RALY: variants seen among roughly 807,000 people sequenced by gnomAD.
RALY encodes the protein RNA-binding protein Raly.
In RALY, 15 loss-of-function variants were observed where a neutral mutation model predicts 30.7. That is an observed-to-expected ratio of 0.49 (90% confidence interval 0.33 to 0.75). The LOEUF (loss-of-function observed/expected upper bound fraction) is 0.75, where lower values mean the gene tolerates loss of function less well. Ranked by LOEUF, RALY falls within the 30% of genes least tolerant of loss-of-function variation. The pLI, the probability that RALY is intolerant of heterozygous loss-of-function variation, is 0.02. For missense variants in RALY, 339 were observed against 414.3 expected, an observed-to-expected ratio of 0.82 and a Z score of 1.58; for synonymous variants, 177 against 170.8, an observed-to-expected ratio of 1.04 and a Z score of -0.28.
intron 1 of RALY, among the ~76,000 whole-genome samples, chr20:33,996,663 C>A (rs1257902799): frequency 6.6e-6 from 1 of 151,886 alleles, no homozygotes; most frequent in African/African-American, 2.4e-5. Flanking sequence ...ATAAAATTTA[C>A]CATTTAACCG....
At chr20:34,007,151 C>A (rs966486152) in intron 1 of RALY, among the ~76,000 whole-genome samples, 1 of 152,142 alleles carries the variant, frequency 6.6e-6, no homozygotes, top group Non-Finnish European at 1.5e-5. Flanking sequence ...AAGGCCCCGC[C>A]TGGATTTGAA....
At chr20:34,029,308 G>A (rs994577714) in intron 1 of RALY, among the ~76,000 whole-genome samples, 1 of 152,024 alleles carries the variant, frequency 6.6e-6, no homozygotes, top group Admixed American at 6.6e-5. Context: ...ATGGTGGCCG[G>A]CACCTGTAAT....
chr20:34,048,853 C>CAAAAAAAAA (rs58117454), intron 2 of RALY, among the ~76,000 whole-genome samples: 8 of 105,602 alleles, frequency 7.6e-5, no homozygotes, highest in East Asian at 3.1e-4. Flanking sequence ...GACTCCGTCT[C>CAAAAAAAAA]AAAAAAAAAA....
chr20:34,077,307 C>G, intron 8 of RALY, 62 bp downstream of exon 8: 1 of 1,600,506 alleles, frequency 6.2e-7, no homozygotes. Context: ...AGGAGGCCAA[C>G]AGGGGAATGG....
chr20:34,072,872 T>A (rs1259833743), intron 3 of RALY, among the ~76,000 whole-genome samples: 1 of 152,200 alleles, frequency 6.6e-6, no homozygotes, highest in African/African-American at 2.4e-5. Context: ...ACAAGAAGTA[T>A]ATGGATTGAC....
Position 34,084,234 on chromosome 20 carries a change from T to A in RALY, c.*4329T>A, listed in dbSNP as rs868335399. 8.6e-5 allele frequency: 13 copies of A among 151,960 alleles called. No homozygotes were observed. The highest frequency in any genetic ancestry group is 3.1e-4 in the African/African-American group (13 of 41,346). 9.4% of individuals were successfully genotyped at this position (151,960 alleles called of 1,614,324 possible). A position where few individuals can be genotyped will look rare whatever the true frequency, so the allele number is the denominator to read the frequency against. The stretch of plus-strand genomic sequence containing the variant: ...CTACTTGGGGGACTACAGTGGGAGA[T>A]CATTTGCACCTAGGAGGTTAATGCT... On this transcript the variant is annotated 3_prime_UTR_variant, in exon 10 of 10. Coordinates refer to ENST00000246194, the MANE Select transcript of RALY (RefSeq NM_016732.3).
intron 2 of RALY, among the ~76,000 whole-genome samples, chr20:34,053,584 A>G (rs2033150832): frequency 6.6e-6 from 1 of 151,738 alleles, no homozygotes; most frequent in Admixed American, 6.6e-5. Context: ...GTTTTTAGAG[A>G]CAGGCTCCCA....
chr20:34,078,827 T>C (rs1049879286), intron 9 of RALY, among the ~76,000 whole-genome samples: 10 of 152,176 alleles, frequency 6.6e-5, no homozygotes, highest in Admixed American at 3.9e-4. Context: ...ATGTTGCCTG[T>C]CTCTGCCCTT....
chr20:34,076,009 A>C lies in RALY; in HGVS notation c.513A>C (p.Thr171=). 1 of 1,614,196 alleles carries C rather than the reference A, an allele frequency of 6.2e-7. No homozygotes were observed. The highest frequency in any genetic ancestry group is 8.5e-7 in the Non-Finnish European group (1 of 1,180,020). Residue 171 remains threonine (T), a synonymous_variant, in exon 6 of 10, where the codon ACA becomes ACC. Transcript: ENST00000246194. ...NVPVKLFARS[T]AVTTSSAKIK... ...CTGTCAAGCTCTTTGCCCGCTCCAC[A>C]GCTGTCACCACCAGCTCAGCCAAGA... is the stretch of plus-strand genomic sequence containing the variant.
chr20:34,023,269 A>G (rs1042950545), intron 1 of RALY, among the ~76,000 whole-genome samples: 6 of 152,234 alleles, frequency 3.9e-5, no homozygotes, highest in Non-Finnish European at 7.3e-5. Context: ...CATTTGGTAG[A>G]CAGTGACTGA....
rs11297874 is a variant in RALY, at chr20:34,031,211, ATT to A, written c.-92-291_-92-290del. On this transcript the variant is annotated intron_variant, in intron 1 of 9. Coordinates refer to ENST00000246194, the MANE Select transcript of RALY (RefSeq NM_016732.3). ...AGGCGCCCACCACCATGCCTGGCTA[ATT>A]TTTTTTTTTTTTTTTTTTTGTATTT... Among the ~76,000 whole-genome samples the A allele has an allele frequency of 9.6e-3, 1,066 of 110,868 alleles. 5 individuals are homozygous for A. Among genetic ancestry groups the A allele is most frequent in the African/African-American group, 0.028 (831 of 29,652 alleles). The allele number at this position is 110,868 out of a possible 152,430, so 72.7% of individuals were successfully genotyped here.
At position 34,077,093 on chromosome 20, in the gene RALY, GGTGGCA is replaced by G. The variant is rs776237560; in HGVS notation, c.729_734del (p.Ser244_Gly245del). 191 of 1,604,960 alleles carry G rather than the reference GGTGGCA, an allele frequency of 1.2e-4. No individual in the cohort carries two copies. Among genetic ancestry groups the G allele is most frequent in the Non-Finnish European group, 1.6e-4 (183 of 1,175,594 alleles). On this transcript the variant is annotated inframe_deletion, in exon 8 of 10. Coordinates refer to ENST00000246194, the MANE Select transcript of RALY (RefSeq NM_016732.3). ...CGGCGGTGGTGGTGGCAGCGGTGGC[GGTGGCA>G]GTGGTGGTGGCGGTGGCGGTGGCAG...
At chr20:34,047,013 T>G (rs1371482847) in intron 2 of RALY, among the ~76,000 whole-genome samples, 1 of 152,008 alleles carries the variant, frequency 6.6e-6, no homozygotes, top group African/African-American at 2.4e-5. Context: ...GAGATGGGGT[T>G]TCTCCATGTT....
chr20:34,054,471 C>T (rs747171813), intron 2 of RALY, among the ~76,000 whole-genome samples: 2 of 152,120 alleles, frequency 1.3e-5, no homozygotes, highest in African/African-American at 2.4e-5. Flanking sequence ...TCTACAGGGA[C>T]GTCACATCAG....
At chr20:34,076,995 T>G in intron 7 of RALY, 33 bp from the exon 8 acceptor site, 1 of 1,610,326 alleles carries the variant, frequency 6.2e-7, no homozygotes, top group Non-Finnish European at 8.5e-7. Context: ...AGGCTGAGTT[T>G]TATTCTCCCC....
At chr20:34,013,922 T>C (rs1345202447) in intron 1 of RALY, among the ~76,000 whole-genome samples, 1 of 152,198 alleles carries the variant, frequency 6.6e-6, no homozygotes, top group Non-Finnish European at 1.5e-5. Context: ...AATATGACAG[T>C]GCGCTTTAAA....
chr20:34,031,189 C>T (rs571244764), intron 1 of RALY, among the ~76,000 whole-genome samples: 5 of 150,072 alleles, frequency 3.3e-5, no homozygotes, highest in South Asian at 2.1e-4. Context: ...GGGTTACAGG[C>T]GCCCACCACC....
At chr20:34,009,698 A>G (rs535923525) in intron 1 of RALY, among the ~76,000 whole-genome samples, 16 of 152,084 alleles carry the variant, frequency 1.1e-4, no homozygotes, top group African/African-American at 3.1e-4. Flanking sequence ...CATGTTCTTC[A>G]TTTCTCTACT....
At chr20:34,022,664 T>G (rs917034896) in intron 1 of RALY, among the ~76,000 whole-genome samples, 1 of 152,178 alleles carries the variant, frequency 6.6e-6, no homozygotes, top group African/African-American at 2.4e-5. Context: ...CCTTCAGCAC[T>G]GTGCATCTGC....
Sources: gnomAD v4.1 joint callset for allele counts (sites outside exome capture counted in the v4.1 genomes callset) on GRCh38, gnomAD v4.1.1 for gene constraint, MANE v1.5 for transcripts, NCBI Gene and HGNC (gene_info 2026-07-23, HGNC 2026-07-21) for gene names.